Variants in TOX observed in about 807,000 individuals in gnomAD.
TOX encodes the protein thymocyte selection-associated high mobility group box protein TOX.
TOX carries 11 observed loss-of-function variants against 53.7 expected under a neutral mutation model. The ratio of observed to expected loss-of-function variants is 0.20; its 90% confidence interval spans 0.13 to 0.34. The LOEUF is 0.34. TOX is among the 10% of genes least tolerant of loss of function. TOX has a pLI of 1.00. For synonymous variants in TOX, 225 were observed against 245.3 expected (o/e 0.92, Z 0.77); for missense variants, 570 against 664.6 (o/e 0.86, Z 1.56).
intron 1 of TOX, among the ~76,000 whole-genome samples, chr8:59,087,724 T>A (rs887395583): frequency 6.6e-6 from 1 of 152,180 alleles, no homozygotes; most frequent in Non-Finnish European, 1.5e-5. Context: ...CTTGAGCTTA[T>A]AAAACTGGAA....
At chr8:58,938,528 G>T (rs1391267478) in intron 3 of TOX, among the ~76,000 whole-genome samples, 1 of 151,836 alleles carries the variant, frequency 6.6e-6, no homozygotes, top group African/African-American at 2.4e-5. Flanking sequence ...CCACTATTGG[G>T]GTATAGACAG....
At chr8:58,843,959 G>A (rs1228092015) in intron 4 of TOX, among the ~76,000 whole-genome samples, 1 of 152,170 alleles carries the variant, frequency 6.6e-6, no homozygotes, top group African/African-American at 2.4e-5. Context: ...TGGCTCTTAT[G>A]ACCACAAACT....
chr8:58,914,220 G>A (rs1811961859), intron 3 of TOX, among the ~76,000 whole-genome samples: 1 of 152,206 alleles, frequency 6.6e-6, no homozygotes, highest in African/African-American at 2.4e-5. Flanking sequence ...GCTGGTAGCT[G>A]TATAAACTTA....
intron 1 of TOX, among the ~76,000 whole-genome samples, chr8:59,086,658 T>C (rs1445622948): frequency 6.6e-6 from 1 of 152,250 alleles, no homozygotes; most frequent in Admixed American, 6.5e-5. Flanking sequence ...ATACTAAATA[T>C]TCAATATTAT....
At chr8:58,868,414 A>G (rs1034106670) in intron 3 of TOX, among the ~76,000 whole-genome samples, 45 of 152,176 alleles carry the variant, frequency 3.0e-4, no homozygotes. Flanking sequence ...ACTAATGAGA[A>G]AGTTATCTCT....
At chr8:59,109,431 T>C (rs1804973798) in intron 1 of TOX, among the ~76,000 whole-genome samples, 1 of 152,132 alleles carries the variant, frequency 6.6e-6, no homozygotes, top group Non-Finnish European at 1.5e-5. Context: ...ACAGATATGT[T>C]TTTAAGGTGT....
intron 1 of TOX, among the ~76,000 whole-genome samples, chr8:59,000,270 G>T (rs1402507896): frequency 1.3e-5 from 2 of 152,158 alleles, no homozygotes; most frequent in East Asian, 3.8e-4. Flanking sequence ...CAGCAAGGGA[G>T]AAGTGATATT....
chr8:58,810,703 A>C (rs894543837), intron 7 of TOX, among the ~76,000 whole-genome samples: 1 of 152,152 alleles, frequency 6.6e-6, no homozygotes, highest in Non-Finnish European at 1.5e-5. Context: ...AAAGGAAAAA[A>C]GTCTCAAAAA....
intron 1 of TOX, among the ~76,000 whole-genome samples, chr8:59,013,628 C>T (rs1199789100): frequency 6.6e-6 from 1 of 152,164 alleles, no homozygotes; most frequent in African/African-American, 2.4e-5. Context: ...CCAGGCAGGT[C>T]TTGAACTCCT....
At chr8:58,854,561 A>G (rs1158494534) in intron 3 of TOX, among the ~76,000 whole-genome samples, 1 of 152,124 alleles carries the variant, frequency 6.6e-6, no homozygotes, top group Non-Finnish European at 1.5e-5. Flanking sequence ...ATGGAAGAGT[A>G]AAGTATCAAT....
intron 1 of TOX, among the ~76,000 whole-genome samples, chr8:59,034,197 G>T (rs187745892): frequency 6.6e-6 from 1 of 152,324 alleles, no homozygotes; most frequent in East Asian, 1.9e-4. Context: ...CTGTCTCACA[G>T]TTTAAAGATA....
At chr8:58,933,259 C>T (rs1344779257) in intron 3 of TOX, among the ~76,000 whole-genome samples, 1 of 152,118 alleles carries the variant, frequency 6.6e-6, no homozygotes, top group Non-Finnish European at 1.5e-5. Flanking sequence ...TACAAGGTTG[C>T]ATTTTCCCGT....
intron 1 of TOX, among the ~76,000 whole-genome samples, chr8:59,008,508 G>C (rs1813834358): frequency 6.6e-6 from 1 of 152,234 alleles, no homozygotes; most frequent in African/African-American, 2.4e-5. Context: ...GAAAGGACCG[G>C]AGGTCCACGT....
At chr8:59,088,857 C>T (rs1804558581) in intron 1 of TOX, among the ~76,000 whole-genome samples, 1 of 152,140 alleles carries the variant, frequency 6.6e-6, no homozygotes, top group South Asian at 2.1e-4. Context: ...CTACACATCT[C>T]TTAGCAGGTA....
intron 5 of TOX, among the ~76,000 whole-genome samples, chr8:58,829,583 C>A (rs965070457): frequency 6.6e-6 from 1 of 152,086 alleles, no homozygotes; most frequent in Non-Finnish European, 1.5e-5. Context: ...GGGGAGTAGC[C>A]TGGACCAGAA....
chr8:59,085,576 C>T (rs1804492855), intron 1 of TOX, among the ~76,000 whole-genome samples: 1 of 152,082 alleles, frequency 6.6e-6, no homozygotes, highest in African/African-American at 2.4e-5. Flanking sequence ...TTTGTACAGA[C>T]AGAGTCTCCC....
intron 1 of TOX, among the ~76,000 whole-genome samples, chr8:58,985,259 A>G (rs1471438871): frequency 6.6e-6 from 1 of 152,124 alleles, no homozygotes; most frequent in Non-Finnish European, 1.5e-5. Flanking sequence ...ACAACTGATG[A>G]GTGGATAAAC....
chr8:58,879,060 C>CAAAAAA (rs36010111), intron 3 of TOX, among the ~76,000 whole-genome samples: 8 of 128,076 alleles, frequency 6.2e-5, no homozygotes, highest in East Asian at 2.2e-4. Flanking sequence ...GACTTCATCT[C>CAAAAAA]AAAAAAAAAA....
At chr8:58,969,200 G>A (rs1812956946) in intron 1 of TOX, among the ~76,000 whole-genome samples, 1 of 152,000 alleles carries the variant, frequency 6.6e-6, no homozygotes, top group African/African-American at 2.4e-5. Context: ...AACACATGAG[G>A]GTCAGTCTAG....
Sources: gnomAD v4.1 joint callset for allele counts (sites outside exome capture counted in the v4.1 genomes callset) on GRCh38, gnomAD v4.1.1 for gene constraint, MANE v1.5 for transcripts, NCBI Gene and HGNC (gene_info 2026-07-23, HGNC 2026-07-21) for gene names.